ODAM: variants seen among roughly 807,000 people sequenced by gnomAD.
ODAM encodes the protein odontogenic, ameloblast associated, also known as odontogenic ameloblast-associated protein.
ODAM carries 55 observed loss-of-function variants against 48.5 expected under a neutral mutation model. The observed-to-expected ratio is 1.13, with a 90% CI of 0.91 to 1.42. ODAM has a LOEUF of 1.42. Ranked by LOEUF, ODAM falls within the 40% of genes most tolerant of loss-of-function variation. ODAM has a pLI of 0.00. For missense variants in ODAM, 353 were observed against 323.6 expected, an observed-to-expected ratio of 1.09 and a Z score of -0.70; for synonymous variants, 127 against 107.8, an observed-to-expected ratio of 1.18 and a Z score of -1.10.
chr4:70,202,669 T>C, intron 9 of ODAM, 87 bp from the exon 10 acceptor site: 1 of 966,142 alleles, frequency 1.0e-6, no homozygotes, highest in East Asian at 2.5e-5. Context: ...TTTTGTTACA[T>C]CTCAATCCTG....
intron 5 of ODAM, among the ~76,000 whole-genome samples, 155 bp from the exon 6 acceptor site, chr4:70,198,424 A>G (rs1729426892): frequency 6.6e-6 from 1 of 152,084 alleles, no homozygotes; most frequent in African/African-American, 2.4e-5. Flanking sequence ...AATAATAGGC[A>G]GTTTATGTCA....
chr4:70,201,562 A>T lies in ODAM; in HGVS notation c.576+61A>T, dbSNP rs563292596. 5.2e-4 allele frequency: 467 copies of T among 903,484 alleles called. 1 individual carries two copies. Among genetic ancestry groups the T allele is most frequent in the Non-Finnish European group, 1.4e-4 (76 of 552,782 alleles). The allele number at this position is 903,484 out of a possible 1,614,324, so 56.0% of individuals were successfully genotyped here. ...GAAACTACTTCCTTCATTGTCTACT[A>T]AATCTATCAATGCCCTTCAGCCAAA... On this transcript the variant is annotated intron_variant, in intron 8 of 11. Coordinates refer to ENST00000683306, the MANE Select transcript of ODAM (RefSeq NM_017855.4).
At chr4:70,196,623 C>T (rs1322465404) in intron 2 of ODAM, 29 bp downstream of exon 2, 1 of 1,590,578 alleles carries the variant, frequency 6.3e-7, no homozygotes, top group Non-Finnish European at 8.6e-7. Flanking sequence ...CTACTAGTCC[C>T]ACTGTGTTAA....
chr4:70,202,988 CTTTAA>C, intron 10 of ODAM, 71 bp downstream of exon 10: 1 of 1,447,172 alleles, frequency 6.9e-7, no homozygotes, highest in African/African-American at 1.4e-5. Context: ...AAAATTAGTG[CTTTAA>C]TTTATAGGAC....
rs201475350 is a variant in ODAM, at chr4:70,202,723, C to T, written c.649-33C>T. 4.3e-5 allele frequency: 68 copies of T among 1,569,238 alleles called. No individual in the cohort carries two copies. In the African/African-American group the frequency reaches 6.6e-4, roughly 15 times the overall value. On this transcript the variant is annotated intron_variant, in intron 9 of 11. Coordinates refer to ENST00000683306, the MANE Select transcript of ODAM (RefSeq NM_017855.4). ...AATTTTGGCCTTCTTGTTGAACTTA[C>T]GACAACTTTGTTTTCATTCTCATTC...
intron 4 of ODAM, 172 bp from the exon 5 acceptor site, chr4:70,197,752 T>C: frequency 1.6e-6 from 1 of 618,390 alleles, no homozygotes. Flanking sequence ...ATTTAGCATT[T>C]GCTTCGTATT....
Position 70,198,632 on chromosome 4 carries a change from T to C in ODAM, c.423+6T>C, listed in dbSNP as rs767041755. On this transcript the variant is annotated splice_donor_region_variant and intron_variant, in intron 6 of 11. Coordinates refer to ENST00000683306, the MANE Select transcript of ODAM (RefSeq NM_017855.4). The stretch of plus-strand genomic sequence containing the variant: ...TGCCTCAAGAGCAAGGACAGGTAAA[T>C]GGATATAACAACACTGCCCATAGAG... The C allele has an allele frequency of 6.2e-7, 1 of 1,603,870 alleles. No individual in the cohort carries two copies.
rs1456963504 is a variant in ODAM at position 70,202,352 on chromosome 4, G to A, written c.648+23G>A. The A allele has an allele frequency of 3.2e-6, 5 of 1,576,706 alleles. No homozygotes were observed. The South Asian group carries it at 4.4e-5, about 14-fold the overall frequency. On this transcript the variant is annotated intron_variant, in intron 9 of 11. Coordinates refer to ENST00000683306, the MANE Select transcript of ODAM (RefSeq NM_017855.4). ...ATGGTAAGATTCCTTACAACACTTT[G>A]CCAGCTACTGGAAATCAACAATTGA...
At chr4:70,202,156 A>T in intron 8 of ODAM, 102 bp from the exon 9 acceptor site, 2 of 770,620 alleles carry the variant, frequency 2.6e-6, no homozygotes, top group South Asian at 3.1e-5. Flanking sequence ...AAATAATTTA[A>T]GAAGTTTGGG....
intron 5 of ODAM, 38 bp from the exon 6 acceptor site, chr4:70,198,541 T>C: frequency 1.3e-6 from 2 of 1,485,858 alleles, no homozygotes; most frequent in Non-Finnish European, 1.8e-6. Context: ...AATAACAAAG[T>C]CAAGCATACA....
At chr4:70,196,189 T>C (rs1335579199) in intron 1 of ODAM, among the ~76,000 whole-genome samples, 2 of 151,946 alleles carry the variant, frequency 1.3e-5, no homozygotes, top group Non-Finnish European at 2.9e-5. Context: ...TGACCTCCCA[T>C]GGTCTGATGG....
In ODAM at chr4:70,201,479, A is replaced by G. The variant is rs758918657; in HGVS notation, c.554A>G (p.Tyr185Cys). 13 of 1,519,530 alleles carry G rather than the reference A, an allele frequency of 8.6e-6. No individual in the cohort carries two copies. The highest frequency in any genetic ancestry group is 1.2e-5 in the Non-Finnish European group (13 of 1,099,736). 94.1% of individuals were successfully genotyped at this position (1,519,530 alleles called of 1,614,324 possible). The change falls in exon 8 of 12, where the codon TAC becomes TGC. Residue 185 changes from tyrosine (Y) to cysteine (C), a missense_variant. Coordinates refer to ENST00000683306, the MANE Select transcript of ODAM (RefSeq NM_017855.4). ...ATACCATTCTATGCTCAATTTGGAT[A>G]CATTCCACAACTAGCAGAACCTGTA... ...EQIPFYAQFG[Y>C]IPQLAEPAIS...
In ODAM at chr4:70,204,486, G is replaced by A. The variant is rs1729573679; in HGVS notation, c.*341G>A. 6.6e-6 allele frequency: 1 copy of A among 151,948 alleles called. No individual in the cohort carries two copies. Among genetic ancestry groups the A allele is most frequent in the South Asian group, 2.1e-4 (1 of 4,826 alleles). 9.4% of individuals were successfully genotyped at this position (151,948 alleles called of 1,614,324 possible). ...TAGTAAATGATGCCTCTGCAAAATG[G>A]TAGTACCCATGAAGATATGTATATT... On this transcript the variant is annotated 3_prime_UTR_variant, in exon 12 of 12. Coordinates refer to ENST00000683306, the MANE Select transcript of ODAM (RefSeq NM_017855.4).
At position 70,204,535 on chromosome 4, in the gene ODAM, T is replaced by C. The variant is rs531703110; in HGVS notation, c.*390T>C. ...TTGTCATTGGATGTATGATGAGTGT[T>C]GTGATTGGAACTGATGAAGTAAAAT... On this transcript the variant is annotated 3_prime_UTR_variant, in exon 12 of 12. Coordinates refer to ENST00000683306, the MANE Select transcript of ODAM (RefSeq NM_017855.4). 9.9e-5 allele frequency: 15 copies of C among 152,144 alleles called. No homozygotes were observed. Among genetic ancestry groups the C allele is most frequent in the African/African-American group, 3.6e-4 (15 of 41,534 alleles). The allele number at this position is 152,144 out of a possible 1,614,324, so 9.4% of individuals were successfully genotyped here. A position where few individuals can be genotyped will look rare whatever the true frequency, so the allele number is the denominator to read the frequency against.
At chr4:70,196,759 T>G (rs1729375287) in intron 3 of ODAM, 26 bp downstream of exon 3, 3 of 1,568,106 alleles carry the variant, frequency 1.9e-6, no homozygotes, top group Non-Finnish European at 2.6e-6. Flanking sequence ...TAAAACAATC[T>G]CCTCCTTTTT....
rs1209282381 is a variant in ODAM, at chr4:70,198,165, AG to A, written c.375+10del. On this transcript the variant is annotated intron_variant, in intron 5 of 11. Transcript: ENST00000683306. ...CAACCAGGCCCCAGTCACGTAAGTC[AG>A]GCCTCTTTCATTTTGTTCTGAGGAG... 2 of 1,608,536 alleles carry A rather than the reference AG, an allele frequency of 1.2e-6. No individual in the cohort carries two copies.
rs1729431910 is a variant in ODAM, at chr4:70,198,625, A to G, written c.422A>G (p.Gln141Arg). The G allele has an allele frequency of 1.2e-6, 2 of 1,604,504 alleles. No homozygotes were observed. The highest frequency in any genetic ancestry group is 1.7e-6 in the Non-Finnish European group (2 of 1,175,630). Residue 141 changes from glutamine (Q) to arginine (R), a missense_variant and splice_region_variant, in exon 6 of 12, where the codon CAG (glutamine) becomes CGG (arginine). Gln to Arg is a conservative substitution (Grantham distance 43). Transcript: ENST00000683306. ...FSFKMPQEQG[Q>R]MFQYYPVYMV... ...TTCAAAATGCCTCAAGAGCAAGGACAGGTAAATGGATATAACAACACTGCC... is the reference window on the plus strand; with the variant it reads ...TTCAAAATGCCTCAAGAGCAAGGACGGGTAAATGGATATAACAACACTGCC...
chr4:70,199,941 G>A (rs1729460436), intron 6 of ODAM, among the ~76,000 whole-genome samples: 1 of 151,824 alleles, frequency 6.6e-6, no homozygotes, highest in African/African-American at 2.4e-5. Context: ...TAATATAAAT[G>A]GAAGCCACAT....
In ODAM at chr4:70,198,246, G is replaced by A. The variant is rs1578236669; in HGVS notation, c.375+89G>A. On this transcript the variant is annotated intron_variant, in intron 5 of 11. Coordinates refer to ENST00000683306, the MANE Select transcript of ODAM (RefSeq NM_017855.4). ...ATATGAATCAGCTTTGAAATAGGCA[G>A]GGGTTTTTGAACAATATTTTTTCTC... is the stretch of plus-strand genomic sequence containing the variant. 27 of 1,099,364 alleles carry A rather than the reference G, an allele frequency of 2.5e-5. No homozygotes were observed. In the East Asian group the frequency reaches 6.5e-4, roughly 27 times the overall value. 68.1% of individuals were successfully genotyped at this position (1,099,364 alleles called of 1,614,324 possible). A position where few individuals can be genotyped will look rare whatever the true frequency, so the allele number is the denominator to read the frequency against.
Sources: gnomAD v4.1 joint callset for allele counts (sites outside exome capture counted in the v4.1 genomes callset) on GRCh38, gnomAD v4.1.1 for gene constraint, MANE v1.5 for transcripts, NCBI Gene and HGNC (gene_info 2026-07-23, HGNC 2026-07-21) for gene names.